The following PCDHGA5 variants were observed in gnomAD, a reference collection of about 807,000 sequenced individuals.
PCDHGA5 encodes the protein protocadherin gamma subfamily A, 5.
In PCDHGA5, 36 loss-of-function variants were observed where a neutral mutation model predicts 56.7. The observed-to-expected ratio is 0.64, with a 90% CI of 0.49 to 0.84. The LOEUF is 0.84. PCDHGA5 is among the 40% of genes least tolerant of loss of function. PCDHGA5 has a pLI of 0.00. For synonymous variants in PCDHGA5, 563 were observed against 520.2 expected, an observed-to-expected ratio of 1.08 and a Z score of -1.12; for missense variants, 1,305 against 1,201.5, an observed-to-expected ratio of 1.09 and a Z score of -1.27.
chr5:141,413,397 T>A, intron 1 of PCDHGA5: 1 of 1,613,942 alleles, frequency 6.2e-7, no homozygotes, highest in Non-Finnish European at 8.5e-7. Context: ...TCTCCAGAGG[T>A]AGGACGCAGC....
chr5:141,477,344 A>C lies in PCDHGA5; in HGVS notation c.2422-17463A>C. On this transcript the variant is annotated intron_variant, in intron 1 of 3. Coordinates refer to ENST00000518069, the MANE Select transcript of PCDHGA5 (RefSeq NM_018918.3). The surrounding 1 kb of genome is among the most constrained non-coding windows in gnomAD (Gnocchi z 4.9). Reference sequence around the variant, plus strand: ...TTCCCTCAAGAATTACTTCACTTTGAAAACCAGTGCAGACCTGGATCGGGA... The same window carrying C: ...TTCCCTCAAGAATTACTTCACTTTGCAAACCAGTGCAGACCTGGATCGGGA... 6.2e-7 allele frequency: 1 copy of C among 1,614,154 alleles called. No homozygotes were observed. The highest frequency in any genetic ancestry group is 8.5e-7 in the Non-Finnish European group (1 of 1,180,034).
intron 1 of PCDHGA5, among the ~76,000 whole-genome samples, chr5:141,469,522 C>T (rs1409427974): frequency 2.6e-5 from 4 of 152,088 alleles, no homozygotes; most frequent in African/African-American, 9.7e-5. Flanking sequence ...TTGCAGTGAG[C>T]CAAGATTGTG....
intron 1 of PCDHGA5, chr5:141,421,455 C>G (rs762490406): frequency 6.2e-6 from 10 of 1,614,108 alleles, no homozygotes; most frequent in South Asian, 1.1e-5. Flanking sequence ...CACAGCTTTT[C>G]GCTGTGAATC....
intron 1 of PCDHGA5, chr5:141,421,422 C>A (rs908483513): frequency 6.2e-7 from 1 of 1,614,086 alleles, no homozygotes; most frequent in South Asian, 1.1e-5. Flanking sequence ...AGCGCGGAGT[C>A]CGCATCGTCT....
rs866752085 is a variant in PCDHGA5, at chr5:141,424,634, A to G, written c.2421+57883A>G. ...AATAGAGTAGTTTGTGAATATATAA[A>G]TAGATTGAAGGTATTTGGACTTTAA... On this transcript the variant is annotated intron_variant, in intron 1 of 3. Coordinates refer to ENST00000518069, the MANE Select transcript of PCDHGA5 (RefSeq NM_018918.3). 6 of 152,338 alleles carry G rather than the reference A, an allele frequency of 3.9e-5. No individual in the cohort carries two copies. The South Asian group carries it at 1.2e-3, about 32-fold the overall frequency. 9.4% of individuals were successfully genotyped at this position (152,338 alleles called of 1,614,324 possible).
rs773568307 is a variant in PCDHGA5, at chr5:141,364,524, G to A, written c.194G>A (p.Arg65His). 5 of 1,614,056 alleles carry A rather than the reference G, an allele frequency of 3.1e-6. No homozygotes were observed. The highest frequency in any genetic ancestry group is 1.7e-4 in the Middle Eastern group (1 of 6,058). ...CAGGAGCTGGCGGAGCGCGGAGTCC[G>A]CATCGTCTCCAGAGGTAGGACGCAG... ...EPQELAERGV[R>H]IVSRGRTQLF... Residue 65 changes from arginine to histidine, a missense_variant, in exon 1 of 4, where the codon CGC becomes CAC. Arg to His is a conservative substitution (Grantham distance 29). Coordinates refer to ENST00000518069, the MANE Select transcript of PCDHGA5 (RefSeq NM_018918.3).
intron 1 of PCDHGA5, chr5:141,403,552 G>A (rs1228068556): frequency 1.2e-6 from 2 of 1,613,892 alleles, no homozygotes; most frequent in African/African-American, 1.3e-5. Flanking sequence ...AGCGCGCCCT[G>A]GACAGGGAGG....
At chr5:141,384,224 T>C (rs753746250) in intron 1 of PCDHGA5, 1 of 1,613,882 alleles carries the variant, frequency 6.2e-7, no homozygotes, top group Non-Finnish European at 8.5e-7. Flanking sequence ...TTCATGCAGG[T>C]GGCAGACACC....
intron 1 of PCDHGA5, chr5:141,427,630 T>C (rs1043983899): frequency 2.8e-6 from 2 of 702,530 alleles, no homozygotes; most frequent in African/African-American, 1.7e-5. Context: ...AATGCTCCGG[T>C]TTTCCACCAA....
In PCDHGA5 at chr5:141,435,189, G is replaced by A. The variant is rs569176993; in HGVS notation, c.2422-59618G>A. Among the ~76,000 whole-genome samples the A allele has an allele frequency of 5.3e-5, 8 of 152,166 alleles. No homozygotes were observed. The South Asian group carries it at 8.3e-4, about 16-fold the overall frequency. On this transcript the variant is annotated intron_variant, in intron 1 of 3. Coordinates refer to ENST00000518069, the MANE Select transcript of PCDHGA5 (RefSeq NM_018918.3). ...GTGGCTTTTAACTACACTTGAGATGGCTAGCAAATTCATAAAGTGAATTTA... is the reference window on the plus strand; with the variant it reads ...GTGGCTTTTAACTACACTTGAGATGACTAGCAAATTCATAAAGTGAATTTA...
At chr5:141,376,221 C>G in intron 1 of PCDHGA5, 4 of 1,614,216 alleles carry the variant, frequency 2.5e-6, no homozygotes, top group Non-Finnish European at 3.4e-6. Context: ...GTGCTGCTGG[C>G]GCTCAGACTG....
At position 141,510,984 on chromosome 5, in the gene PCDHGA5, C is replaced by A. The variant is rs375865663; in HGVS notation, c.2607C>A (p.Ala869=). 6.2e-7 allele frequency: 1 copy of A among 1,614,162 alleles called. No individual in the cohort carries two copies. The highest frequency in any genetic ancestry group is 8.5e-7 in the Non-Finnish European group (1 of 1,180,012). The part of the protein sequence containing the change: ...ADGSSTLGGG[A]GTMGLSARYG... The stretch of plus-strand genomic sequence containing the variant: ...GGAGCTCCACCCTGGGAGGGGGTGC[C>A]GGCACCATGGGATTGAGCGCCCGCT... Residue 869 remains alanine, a synonymous_variant, in exon 4 of 4, where the codon GCC becomes GCA. Coordinates refer to ENST00000518069, the MANE Select transcript of PCDHGA5 (RefSeq NM_018918.3).
At chr5:141,376,554 C>A in intron 1 of PCDHGA5, 1 of 1,611,072 alleles carries the variant, frequency 6.2e-7, no homozygotes, top group Non-Finnish European at 8.5e-7. Flanking sequence ...GATCTTCCCG[C>A]AACCCAACTA....
chr5:141,400,051 G>T, intron 1 of PCDHGA5: 1 of 1,613,762 alleles, frequency 6.2e-7, no homozygotes. Context: ...GCTGGTTGCT[G>T]TGCGTGATGG....
chr5:141,511,400 T>A lies in PCDHGA5; in HGVS notation c.*227T>A, dbSNP rs1208021848. On this transcript the variant is annotated 3_prime_UTR_variant, in exon 4 of 4. Coordinates refer to ENST00000518069, the MANE Select transcript of PCDHGA5 (RefSeq NM_018918.3). ...AGTTCCGCTGGGAACCCCCATCCAA[T>A]CAACTGCTGTACCCATGGGGGTAGT... 1.1e-5 allele frequency: 11 copies of A among 982,132 alleles called. No individual in the cohort carries two copies. Among genetic ancestry groups the A allele is most frequent in the African/African-American group, 3.3e-5 (2 of 60,924 alleles). 60.8% of individuals were successfully genotyped at this position (982,132 alleles called of 1,614,324 possible).
At chr5:141,427,838 C>T (rs978867590) in intron 1 of PCDHGA5, 4 of 1,546,186 alleles carry the variant, frequency 2.6e-6, no homozygotes, top group Non-Finnish European at 1.8e-6. Flanking sequence ...AGCGTGCCTT[C>T]GACCACGAGC....
chr5:141,389,094 A>G (rs2091600869), intron 1 of PCDHGA5: 4 of 1,613,928 alleles, frequency 2.5e-6, no homozygotes, highest in Admixed American at 1.7e-5. Flanking sequence ...TAAATTAGTG[A>G]CAGATGCTGT....
Position 141,432,292 on chromosome 5 carries a change from T to C in PCDHGA5, c.2422-62515T>C, listed in dbSNP as rs1339412798. 2 of 1,614,078 alleles carry C rather than the reference T, an allele frequency of 1.2e-6. No individual in the cohort carries two copies. The highest frequency in any genetic ancestry group is 2.2e-5 in the East Asian group (1 of 44,888). On this transcript the variant is annotated intron_variant, in intron 1 of 3. Coordinates refer to ENST00000518069, the MANE Select transcript of PCDHGA5 (RefSeq NM_018918.3). The surrounding 1 kb of genome is among the most constrained non-coding windows in gnomAD (Gnocchi z 6.0). ...CCTACGTGTCCATCAACTCCGACAC[T>C]GGGGTACTGTATGCGCTGAGCTCCT...
At chr5:141,398,608 G>C in intron 1 of PCDHGA5, 4 of 1,614,062 alleles carry the variant, frequency 2.5e-6, no homozygotes, top group Non-Finnish European at 3.4e-6. Context: ...AGAAGATGCA[G>C]ATATTGGCTT....
Sources: allele counts gnomAD v4.1 joint callset (sites outside exome capture counted in the v4.1 genomes callset), GRCh38; gene constraint gnomAD v4.1.1; non-coding constraint Gnocchi (gnomAD v3.1); transcripts MANE v1.5; gene names NCBI Gene and HGNC (gene_info 2026-07-23, HGNC 2026-07-21).